TCEANC2: variants seen among roughly 807,000 people sequenced by gnomAD.
The protein encoded by TCEANC2 is transcription elongation factor A N-terminal and central domain-containing protein 2.
TCEANC2 carries 20 observed loss-of-function variants against 22.8 expected under a neutral mutation model. The observed-to-expected ratio is 0.88, with a 90% CI of 0.62 to 1.28. TCEANC2 has a LOEUF of 1.28. Among genes scored for constraint, TCEANC2 ranks in the 50% most tolerant of loss-of-function variants. The pLI, the probability that TCEANC2 is intolerant of heterozygous loss-of-function variation, is 0.00. For missense variants in TCEANC2, 251 were observed against 249.7 expected (o/e 1.01, Z -0.03); for synonymous variants, 84 against 95.5 (o/e 0.88, Z 0.70).
downstream of TCEANC2, among the ~76,000 whole-genome samples, chr1:54,107,748 G>A (rs949699357): frequency 2.0e-5 from 3 of 152,156 alleles, no homozygotes; most frequent in Non-Finnish European, 2.9e-5. Context: ...ACACAACCAC[G>A]TTGTGTGAGA....
rs535501149 is a variant in TCEANC2, at chr1:54,067,546, C to T, written c.103-1210C>T. On this transcript the variant is annotated intron_variant, in intron 2 of 4. Coordinates refer to ENST00000234827, the MANE Select transcript of TCEANC2 (RefSeq NM_153035.3). ...TCACTATGTTAAAGTAAGGCTTTTC[C>T]TTCCCCTTTCCTCTTTTCCTTTTCC... 2.0e-5 allele frequency among the ~76,000 whole-genome samples: 3 copies of T among 152,314 alleles called. No individual in the cohort carries two copies. The East Asian group carries it at 5.8e-4, about 29-fold the overall frequency.
rs1360261912 is a variant in TCEANC2 at position 54,104,768 on chromosome 1, C to A, written c.*8295C>A. 2.3e-6 allele frequency: 1 copy of A among 442,986 alleles called. No homozygotes were observed. Among genetic ancestry groups the A allele is most frequent in the East Asian group, 7.1e-5 (1 of 14,076 alleles). The allele number at this position is 442,986 out of a possible 1,614,324, so 27.4% of individuals were successfully genotyped here. ...TGTTGGCCAGACTAGTTTTGAACTT[C>A]TGGCCTCAAGCAGTCCACCTGCCTC... On this transcript the variant is annotated 3_prime_UTR_variant, in exon 5 of 5. Transcript: ENST00000234827.
At chr1:54,066,097 CAA>C (rs1378796196) in intron 2 of TCEANC2, among the ~76,000 whole-genome samples, 1 of 151,748 alleles carries the variant, frequency 6.6e-6, no homozygotes, top group Admixed American at 6.6e-5. Context: ...ACAACAACAA[CAA>C]AAATTAGCCA....
At chr1:54,060,845 G>A (rs1052990987) in intron 2 of TCEANC2, among the ~76,000 whole-genome samples, 7 of 152,028 alleles carry the variant, frequency 4.6e-5, no homozygotes, top group Non-Finnish European at 1.0e-4. Context: ...GATTACAGGA[G>A]GCTGGGGAAG....
Position 54,101,259 on chromosome 1 carries a change from T to C in TCEANC2, c.*4786T>C, listed in dbSNP as rs1658657784. ...AGGCTCAGTTTGTTACTGCCCATTATTGCAAGGGAAGGGAGTCCATCCAGA... is the reference window on the plus strand; with the variant it reads ...AGGCTCAGTTTGTTACTGCCCATTACTGCAAGGGAAGGGAGTCCATCCAGA... On this transcript the variant is annotated 3_prime_UTR_variant, in exon 5 of 5. Transcript: ENST00000234827. 1.3e-5 allele frequency: 2 copies of C among 152,216 alleles called. No individual in the cohort carries two copies. Among genetic ancestry groups the C allele is most frequent in the Non-Finnish European group, 2.9e-5 (2 of 68,036 alleles). The allele number at this position is 152,216 out of a possible 1,614,324, so 9.4% of individuals were successfully genotyped here.
At chr1:54,083,237 T>C (rs984753592) in intron 3 of TCEANC2, among the ~76,000 whole-genome samples, 1 of 152,114 alleles carries the variant, frequency 6.6e-6, no homozygotes, top group African/African-American at 2.4e-5. Flanking sequence ...GTGAGAACCT[T>C]TGGCTAGGGA....
At chr1:54,056,552 C>G (rs1657755804) in intron 2 of TCEANC2, among the ~76,000 whole-genome samples, 1 of 151,916 alleles carries the variant, frequency 6.6e-6, no homozygotes, top group African/African-American at 2.4e-5. Context: ...GTCTCGAACT[C>G]CTGACCTCAT....
rs1255962175 is a variant in TCEANC2, at chr1:54,061,616, A to G, written c.102+7092A>G. 5.3e-5 allele frequency among the ~76,000 whole-genome samples: 8 copies of G among 152,188 alleles called. No homozygotes were observed. In the South Asian group the frequency reaches 8.3e-4, roughly 16 times the overall value. On this transcript the variant is annotated intron_variant, in intron 2 of 4. Transcript: ENST00000234827. Reference sequence around the variant, plus strand: ...TGATATGTATGCTTTTATCATTTATATTTTACAGATGAAAAACTAAGGCAC... The same window carrying G: ...TGATATGTATGCTTTTATCATTTATGTTTTACAGATGAAAAACTAAGGCAC...
At position 54,097,519 on chromosome 1, in the gene TCEANC2, A is replaced by C. The variant is rs897701770; in HGVS notation, c.*1046A>C. On this transcript the variant is annotated 3_prime_UTR_variant, in exon 5 of 5. Coordinates refer to ENST00000234827, the MANE Select transcript of TCEANC2 (RefSeq NM_153035.3). The stretch of plus-strand genomic sequence containing the variant: ...AAGGGGAGAGATTTAAAATCCAAAA[A>C]AAAGGAAGATGAGTTGAAAAGCAAG... The C allele has an allele frequency of 2.6e-5, 4 of 152,232 alleles. No individual in the cohort carries two copies. The highest frequency in any genetic ancestry group is 4.4e-5 in the Non-Finnish European group (3 of 68,050). 9.4% of individuals were successfully genotyped at this position (152,232 alleles called of 1,614,324 possible). A position where few individuals can be genotyped will look rare whatever the true frequency, so the allele number is the denominator to read the frequency against.
intron 3 of TCEANC2, among the ~76,000 whole-genome samples, chr1:54,087,789 A>G (rs1315212582): frequency 6.6e-6 from 1 of 152,236 alleles, no homozygotes; most frequent in Non-Finnish European, 1.5e-5. Context: ...GAGAAAAATC[A>G]CTGACTGTGG....
rs779950368 is a variant in TCEANC2 at position 54,057,228 on chromosome 1, G to GTT, written c.102+2719_102+2720dup. Among the ~76,000 whole-genome samples, 662 of 99,938 alleles carry GTT rather than the reference G, an allele frequency of 6.6e-3. 4 individuals are homozygous for GTT. Among genetic ancestry groups the GTT allele is most frequent in the African/African-American group, 0.021 (573 of 27,820 alleles). The allele number at this position is 99,938 out of a possible 152,430, so 65.6% of individuals were successfully genotyped here. On this transcript the variant is annotated intron_variant, in intron 2 of 4. Transcript: ENST00000234827. Reference sequence around the variant, plus strand: ...TCATATCCAATTTTCTTTTTTCTTTGTTTTTTTTTTTTTTTTAGGGTCTCG... The same window carrying GTT: ...TCATATCCAATTTTCTTTTTTCTTTGTTTTTTTTTTTTTTTTTTAGGGTCTCG...
At position 54,054,455 on chromosome 1, in the gene TCEANC2, C is replaced by T; in HGVS notation, c.33C>T (p.Ile11=). 1 of 1,614,032 alleles carries T rather than the reference C, an allele frequency of 6.2e-7. No individual in the cohort carries two copies. The highest frequency in any genetic ancestry group is 8.5e-7 in the Non-Finnish European group (1 of 1,179,996). The change falls in exon 2 of 5, where the codon ATC becomes ATT. Residue 11 remains isoleucine (I), a synonymous_variant. Transcript: ENST00000234827. ...AATTCGTCATTCGAACGCCTAGAAT[C>T]CAGAATAGCCCTCAGAAGAAAGATT... MDKFVIRTPR[I]QNSPQKKDSG...
At chr1:54,081,650 C>T (rs1315950463) in intron 3 of TCEANC2, among the ~76,000 whole-genome samples, 3 of 151,244 alleles carry the variant, frequency 2.0e-5, no homozygotes, top group Non-Finnish European at 3.0e-5. Flanking sequence ...CTCTTTCTTG[C>T]CCCAGACTGA....
chr1:54,088,796 GC>G lies in TCEANC2; in HGVS notation c.438+9del. The G allele has an allele frequency of 6.4e-7, 1 of 1,556,766 alleles. No individual in the cohort carries two copies. Among genetic ancestry groups the G allele is most frequent in the Non-Finnish European group, 8.7e-7 (1 of 1,152,178 alleles). The stretch of plus-strand genomic sequence containing the variant: ...CAGAAGCCTTGGAATTAAAGGTAAT[GC>G]CCTAAATATATACAACTGTTATGTA... On this transcript the variant is annotated splice_region_variant and intron_variant, in intron 4 of 4. Transcript: ENST00000234827.
intron 3 of TCEANC2, among the ~76,000 whole-genome samples, chr1:54,072,425 C>G (rs1392652625): frequency 6.7e-6 from 1 of 150,316 alleles, no homozygotes; most frequent in East Asian, 1.9e-4. Flanking sequence ...GAGACAGAGT[C>G]TTGCTCTGTC....
At chr1:54,057,481 A>G (rs780670842) in intron 2 of TCEANC2, among the ~76,000 whole-genome samples, 2 of 149,906 alleles carry the variant, frequency 1.3e-5, no homozygotes, top group Non-Finnish European at 3.0e-5. Flanking sequence ...ATGAGCCACT[A>G]CGCCTGGCCC....
intron 3 of TCEANC2, among the ~76,000 whole-genome samples, chr1:54,073,209 C>T (rs1035324334): frequency 6.6e-6 from 1 of 152,200 alleles, no homozygotes; most frequent in African/African-American, 2.4e-5. Context: ...CCAAGTGATC[C>T]TCCTGCCTTG....
At chr1:54,063,100 T>C (rs1296203520) in intron 2 of TCEANC2, among the ~76,000 whole-genome samples, 1 of 152,136 alleles carries the variant, frequency 6.6e-6, no homozygotes, top group Non-Finnish European at 1.5e-5. Flanking sequence ...CAGGGAACAT[T>C]GAATCCAGAT....
intron 2 of TCEANC2, among the ~76,000 whole-genome samples, chr1:54,060,404 CAA>C (rs1204211675): frequency 6.3e-5 from 8 of 127,342 alleles, no homozygotes; most frequent in Non-Finnish European, 8.4e-5. Context: ...GACTCCATCT[CAA>C]AAAAAAAAAA....
Sources: gnomAD v4.1 joint callset for allele counts (sites outside exome capture counted in the v4.1 genomes callset) on GRCh38, gnomAD v4.1.1 for gene constraint, MANE v1.5 for transcripts, NCBI Gene and HGNC (gene_info 2026-07-23, HGNC 2026-07-21) for gene names.